The following SUN2 variants were observed in gnomAD, a reference collection of about 807,000 sequenced individuals.
SUN2 encodes Sad1 and UNC84 domain containing 2.
A neutral mutation model predicts 100.0 loss-of-function variants in SUN2; 60 were observed. The observed-to-expected ratio is 0.60, with a 90% CI of 0.49 to 0.74. SUN2 has a LOEUF of 0.74. SUN2 is among the 30% of genes least tolerant of loss of function. SUN2 has a pLI of 0.00. For synonymous variants in SUN2, 367 were observed against 403.3 expected, an observed-to-expected ratio of 0.91 and a Z score of 1.08; for missense variants, 834 against 954.6, an observed-to-expected ratio of 0.87 and a Z score of 1.66.
At position 38,745,792 on chromosome 22, in the gene SUN2, G is replaced by T; in HGVS notation, c.705C>A (p.Pro235=). The stretch of plus-strand genomic sequence containing the variant: ...CAGGGTGGAATGTCTGCAGCCCATA[G>T]GGGTAGAAATACCAAGCACCTGTGC... ...CLTYGAWYFY[P]YGLQTFHPAL... is the part of the protein sequence containing the mutation. Residue 235 remains proline (P), a synonymous_variant, in exon 8 of 18, where the codon CCC becomes CCA. Transcript: ENST00000689035. 1 of 1,613,968 alleles carries T rather than the reference G, an allele frequency of 6.2e-7. No individual in the cohort carries two copies. Among genetic ancestry groups the T allele is most frequent in the Non-Finnish European group, 8.5e-7 (1 of 1,179,986 alleles).
At chr22:38,750,815 A>G in intron 4 of SUN2, 83 bp downstream of exon 4, 1 of 1,577,830 alleles carries the variant, frequency 6.3e-7, no homozygotes, top group Non-Finnish European at 8.6e-7. Context: ...CCCTCTCTCC[A>G]GCTCCCCGGG....
Position 38,741,589 on chromosome 22 carries a change from G to A in SUN2, c.1069-18C>T, listed in dbSNP as rs2145971130. 1.2e-6 allele frequency: 2 copies of A among 1,613,120 alleles called. No individual in the cohort carries two copies. ...AGTTCTTCCTGTGAGACGGGAGTGA[G>A]AGGACAGGTTGGACAGAGCCATGCT... On this transcript the variant is annotated intron_variant, in intron 9 of 17. Transcript: ENST00000689035.
chr22:38,735,118 T>A lies in SUN2; in HGVS notation c.*1149A>T. 2.5e-6 allele frequency: 1 copy of A among 393,514 alleles called. No individual in the cohort carries two copies. The allele number at this position is 393,514 out of a possible 1,614,324, so 24.4% of individuals were successfully genotyped here. A position where few individuals can be genotyped will look rare whatever the true frequency, so the allele number is the denominator to read the frequency against. ...AAACAGACCTTGAAAAATATATACA[T>A]AATACAGTGGGGCCTGCTGGCTCTA... On this transcript the variant is annotated 3_prime_UTR_variant, in exon 18 of 18. Coordinates refer to ENST00000689035, the MANE Select transcript of SUN2 (RefSeq NM_015374.3).
At position 38,738,085 on chromosome 22, in the gene SUN2, C is replaced by T. The variant is rs767185819; in HGVS notation, c.2040+88G>A. 1 of 1,193,224 alleles carries T rather than the reference C, an allele frequency of 8.4e-7. No individual in the cohort carries two copies. The highest frequency in any genetic ancestry group is 1.7e-5 in the Admixed American group (1 of 59,062). The allele number at this position is 1,193,224 out of a possible 1,614,324, so 73.9% of individuals were successfully genotyped here. Reference sequence around the variant, plus strand: ...GAGCAGGGCTTCCCTCTCTGAACCCCATGCCTGGCAGGGTAAGTGCCCAGG... The same window carrying T: ...GAGCAGGGCTTCCCTCTCTGAACCCTATGCCTGGCAGGGTAAGTGCCCAGG... On this transcript the variant is annotated intron_variant, in intron 17 of 17. Transcript: ENST00000689035. The surrounding 1 kb of genome is among the most constrained non-coding windows in gnomAD (Gnocchi z 6.6).
chr22:38,739,884 G>A lies in SUN2; in HGVS notation c.1416C>T (p.Arg472=), dbSNP rs199929528. Residue 472 remains arginine, a synonymous_variant, in exon 13 of 18, where the codon CGC becomes CGT. Transcript: ENST00000689035. The surrounding 1 kb of genome is among the most constrained non-coding windows in gnomAD (Gnocchi z 6.7). ...TCTCCTCTCTCTGAAGGAGCCCCACGCGGCCCCCTCCACCTCGGGCAAGGA... is the reference window on the plus strand; with the variant it reads ...TCTCCTCTCTCTGAAGGAGCCCCACACGGCCCCCTCCACCTCGGGCAAGGA... The part of the protein sequence containing the change: ...SQFLARGGGG[R]VGLLQREEMQ... 24 of 1,613,228 alleles carry A rather than the reference G, an allele frequency of 1.5e-5. No homozygotes were observed. The highest frequency in any genetic ancestry group is 3.3e-5 in the South Asian group (3 of 91,088).
chr22:38,751,458 C>G, intron 2 of SUN2, 85 bp from the exon 3 acceptor site: 2 of 1,500,818 alleles, frequency 1.3e-6, no homozygotes, highest in Admixed American at 4.0e-5. Context: ...GCCTGCGGCC[C>G]TGCCTAGTGC....
intron 4 of SUN2, 55 bp downstream of exon 4, chr22:38,750,843 C>G: frequency 6.2e-7 from 1 of 1,604,252 alleles, no homozygotes; most frequent in Non-Finnish European, 8.5e-7. Flanking sequence ...GCCCAGCCTT[C>G]CTGAGGCCTC....
chr22:38,742,688 G>A (rs375066942), intron 8 of SUN2, 133 bp from the exon 9 acceptor site: 2 of 1,233,434 alleles, frequency 1.6e-6, no homozygotes. Context: ...AGGCCATGCA[G>A]GGCCGGCTGG....
In SUN2 at chr22:38,738,007, A is replaced by G; in HGVS notation, c.2040+166T>C. The G allele has an allele frequency of 1.4e-6, 1 of 731,536 alleles. No homozygotes were observed. Among genetic ancestry groups the G allele is most frequent in the Non-Finnish European group, 2.5e-6 (1 of 397,960 alleles). The allele number at this position is 731,536 out of a possible 1,614,324, so 45.3% of individuals were successfully genotyped here. Reference sequence around the variant, plus strand: ...TGCCTTCCCCTGTGCTGACGTCTGCAGGATGCGTGTTACACCCCATTTGGA... The same window carrying G: ...TGCCTTCCCCTGTGCTGACGTCTGCGGGATGCGTGTTACACCCCATTTGGA... On this transcript the variant is annotated intron_variant, in intron 17 of 17. Transcript: ENST00000689035. The surrounding 1 kb of genome is among the most constrained non-coding windows in gnomAD (Gnocchi z 6.6).
chr22:38,742,183 C>T, intron 9 of SUN2, 118 bp downstream of exon 9: 1 of 1,292,278 alleles, frequency 7.7e-7, no homozygotes, highest in South Asian at 1.5e-5. Flanking sequence ...AAGGGAGTAA[C>T]TGCAAAATGG....
chr22:38,755,888 C>G lies in SUN2; in HGVS notation c.-163G>C. On this transcript the variant is annotated 5_prime_UTR_variant, in exon 1 of 18. Coordinates refer to ENST00000689035, the MANE Select transcript of SUN2 (RefSeq NM_015374.3). The surrounding 1 kb of genome is among the most constrained non-coding windows in gnomAD (Gnocchi z 5.7). ...CGCTCAGGGCGACACAGCGGCCGGG[C>G]CCGGGGCGCGCGGGCACGCGAAGAG... is the stretch of plus-strand genomic sequence containing the variant. 1.0e-6 allele frequency: 1 copy of G among 982,186 alleles called. No homozygotes were observed. 60.8% of individuals were successfully genotyped at this position (982,186 alleles called of 1,614,324 possible).
intron 2 of SUN2, 95 bp from the exon 3 acceptor site, chr22:38,751,468 C>T (rs1269609857): frequency 1.4e-6 from 2 of 1,438,458 alleles, no homozygotes; most frequent in African/African-American, 2.9e-5. Context: ...CTGCCTAGTG[C>T]AGGGTGTGGG....
intron 8 of SUN2, chr22:38,745,141 C>T: frequency 4.2e-6 from 2 of 471,206 alleles, no homozygotes; most frequent in Non-Finnish European, 4.4e-6. Flanking sequence ...CTCTTGAAAC[C>T]CTGCCTGGGT....
chr22:38,745,594 G>C, intron 8 of SUN2, 90 bp downstream of exon 8: 10 of 1,525,104 alleles, frequency 6.6e-6, no homozygotes, highest in Non-Finnish European at 8.9e-6. Flanking sequence ...TTGTGTGTAC[G>C]GTGTGAGGCA....
Position 38,741,573 on chromosome 22 carries a change from TGTGAGACGGGA to T in SUN2, c.1069-13_1069-3del. 1 of 1,613,968 alleles carries T rather than the reference TGTGAGACGGGA, an allele frequency of 6.2e-7. No homozygotes were observed. The highest frequency in any genetic ancestry group is 8.5e-7 in the Non-Finnish European group (1 of 1,179,964). On this transcript the variant is annotated splice_polypyrimidine_tract_variant and splice_region_variant and intron_variant, in intron 9 of 17. Coordinates refer to ENST00000689035, the MANE Select transcript of SUN2 (RefSeq NM_015374.3). ...TGCTCTCAGGGCAGACAGTTCTTCC[TGTGAGACGGGA>T]GTGAGAGGACAGGTTGGACAGAGCC...
rs375455584 is a variant in SUN2, at chr22:38,755,573, C to G, written c.-38+190G>C. On this transcript the variant is annotated intron_variant, in intron 1 of 17. Transcript: ENST00000689035. This position sits in a 1 kb window ranked among gnomAD's most constrained non-coding sequence, Gnocchi z 5.7. ...CCCGGCTGACCAGTGGCGCGGCAGG[C>G]GGGGCGGGGGCCAGGAGGTGAGTCA... The G allele has an allele frequency of 3.6e-4, 341 of 956,674 alleles. 1 individual carries two copies. In the South Asian group the frequency reaches 7.9e-3, roughly 22 times the overall value. 59.3% of individuals were successfully genotyped at this position (956,674 alleles called of 1,614,324 possible). A position where few individuals can be genotyped will look rare whatever the true frequency, so the allele number is the denominator to read the frequency against.
chr22:38,755,801 C>T lies in SUN2; in HGVS notation c.-76G>A. ...GGCTTCTAGCCCGGCCGGGGGCGTC[C>T]GAGGCCAGGCCGCCGCCGGGGCGCG... On this transcript the variant is annotated 5_prime_UTR_variant, in exon 1 of 18. Coordinates refer to ENST00000689035, the MANE Select transcript of SUN2 (RefSeq NM_015374.3). This position sits in a 1 kb window ranked among gnomAD's most constrained non-coding sequence, Gnocchi z 5.7. The T allele has an allele frequency of 1.0e-6, 1 of 984,164 alleles. No individual in the cohort carries two copies. Among genetic ancestry groups the T allele is most frequent in the Non-Finnish European group, 1.2e-6 (1 of 829,510 alleles). The allele number at this position is 984,164 out of a possible 1,614,324, so 61.0% of individuals were successfully genotyped here. A position where few individuals can be genotyped will look rare whatever the true frequency, so the allele number is the denominator to read the frequency against.
chr22:38,749,058 T>C (rs2092924650), intron 6 of SUN2: 2 of 434,374 alleles, frequency 4.6e-6, no homozygotes. Context: ...AATTTTTATA[T>C]GGACAGGTCC....
chr22:38,754,789 T>G (rs747661169), intron 1 of SUN2: 2 of 1,285,598 alleles, frequency 1.6e-6, no homozygotes, highest in Admixed American at 4.6e-5. Context: ...CTGATGGAGG[T>G]TGAGCGGGGA....
Sources: allele counts gnomAD v4.1 joint callset, GRCh38; gene constraint gnomAD v4.1.1; non-coding constraint Gnocchi (gnomAD v3.1); transcripts MANE v1.5; gene names NCBI Gene and HGNC (gene_info 2026-07-23, HGNC 2026-07-21).